Variants in PRKAG2 observed in about 807,000 individuals in gnomAD.
PRKAG2 encodes the protein 5'-AMP-activated protein kinase subunit gamma-2.
In PRKAG2, 26 loss-of-function variants were observed where a neutral mutation model predicts 69.6. That is an observed-to-expected ratio of 0.37 (90% CI 0.27 to 0.52). The LOEUF (loss-of-function observed/expected upper bound fraction) is 0.52. PRKAG2 is among the 20% of genes least tolerant of loss of function. The pLI, the probability that PRKAG2 is intolerant of heterozygous loss-of-function variation, is 0.90. For synonymous variants in PRKAG2, 293 were observed against 285.0 expected (o/e 1.03, Z -0.28); for missense variants, 557 against 740.0 (o/e 0.75, Z 2.87).
chr7:151,680,256 G>A (rs532974105), intron 3 of PRKAG2, among the ~76,000 whole-genome samples: 6 of 152,192 alleles, frequency 3.9e-5, no homozygotes, highest in Admixed American at 1.3e-4. Flanking sequence ...ACTAAGTGTC[G>A]GCTTATTCAT....
At chr7:151,623,607 G>A (rs1286808782) in intron 5 of PRKAG2, among the ~76,000 whole-genome samples, 4 of 152,088 alleles carry the variant, frequency 2.6e-5, no homozygotes, top group Non-Finnish European at 5.9e-5. Flanking sequence ...TGGATATCAT[G>A]CCCATGTTAT....
chr7:151,813,683 C>T lies in PRKAG2; in HGVS notation c.115-27142G>A, dbSNP rs2078541623. ...CCCCCTCCTCCTCTCCACCAGACAG[C>T]GGTGACAGCCCACGGTTCAGCCACT... is the stretch of plus-strand genomic sequence containing the variant. On this transcript the variant is annotated intron_variant, in intron 1 of 15. Coordinates refer to ENST00000287878, the MANE Select transcript of PRKAG2 (RefSeq NM_016203.4). Among the ~76,000 whole-genome samples, 6 of 152,264 alleles carry T rather than the reference C, an allele frequency of 3.9e-5. No individual in the cohort carries two copies. The South Asian group carries it at 8.3e-4, about 21-fold the overall frequency.
At chr7:151,585,867 G>GA (rs1811535918) in intron 6 of PRKAG2, among the ~76,000 whole-genome samples, 2 of 152,214 alleles carry the variant, frequency 1.3e-5, no homozygotes, top group Non-Finnish European at 2.9e-5. Flanking sequence ...AGGAAGGGAG[G>GA]AAGGAGACGG....
intron 3 of PRKAG2, among the ~76,000 whole-genome samples, chr7:151,702,649 A>G (rs919437699): frequency 2.6e-5 from 4 of 152,264 alleles, no homozygotes; most frequent in African/African-American, 9.6e-5. Flanking sequence ...GGATGGAGGC[A>G]TTCATAGTCC....
intron 8 of PRKAG2, among the ~76,000 whole-genome samples, chr7:151,573,220 C>A (rs1366075543): frequency 1.3e-5 from 2 of 149,872 alleles, no homozygotes; most frequent in Non-Finnish European, 3.0e-5. Flanking sequence ...TGCACAAGTG[C>A]GATCATGACT....
chr7:151,558,665 A>G (rs4726047), intron 15 of PRKAG2: 745,307 of 981,466 alleles, frequency 0.76, 283,697 homozygotes, highest in East Asian at 0.99. Context: ...TTTCCTCAAC[A>G]AATCGTGTTG....
intron 5 of PRKAG2, among the ~76,000 whole-genome samples, chr7:151,624,470 T>C (rs981970304): frequency 2.0e-5 from 3 of 151,964 alleles, no homozygotes; most frequent in African/African-American, 2.4e-5. Context: ...ATTAAACAGA[T>C]TAAAAAGTGA....
In PRKAG2 at chr7:151,557,887, A is replaced by C. The variant is rs530719121; in HGVS notation, c.1679-655T>G. The C allele has an allele frequency of 2.8e-3, 2,722 of 977,054 alleles. 2 individuals are homozygous for C. The highest frequency in any genetic ancestry group is 4.3e-3 in the African/African-American group (244 of 57,080). 60.5% of individuals were successfully genotyped at this position (977,054 alleles called of 1,614,324 possible). A position where few individuals can be genotyped will look rare whatever the true frequency, so the allele number is the denominator to read the frequency against. On this transcript the variant is annotated intron_variant, in intron 15 of 15. Coordinates refer to ENST00000287878, the MANE Select transcript of PRKAG2 (RefSeq NM_016203.4). ...AACTCCGTCTCAAATAAAAAAAAAA[A>C]AAACAAAAAAACAAAAAAAAAACCT...
chr7:151,672,022 C>CT (rs1237478124), intron 4 of PRKAG2, among the ~76,000 whole-genome samples: 7,575 of 141,158 alleles, frequency 0.054, 246 homozygotes, highest in Middle Eastern at 0.065. Flanking sequence ...ACCATTTGAA[C>CT]TTTTTTTTTT....
At chr7:151,808,103 C>G (rs1442675594) in intron 1 of PRKAG2, among the ~76,000 whole-genome samples, 1 of 152,150 alleles carries the variant, frequency 6.6e-6, no homozygotes, top group African/African-American at 2.4e-5. Flanking sequence ...CCACCCATCA[C>G]CTAGTGTCCT....
At chr7:151,687,008 T>C (rs1240138292) in intron 3 of PRKAG2, among the ~76,000 whole-genome samples, 2 of 152,238 alleles carry the variant, frequency 1.3e-5, no homozygotes, top group Non-Finnish European at 2.9e-5. Flanking sequence ...TCCAGTCTTA[T>C]AGGGCTTTGT....
chr7:151,709,630 G>C (rs1166205552), intron 3 of PRKAG2, among the ~76,000 whole-genome samples: 1 of 151,858 alleles, frequency 6.6e-6, no homozygotes, highest in African/African-American at 2.4e-5. Context: ...ACTGACACAT[G>C]TGACTGTCAG....
At chr7:151,657,995 T>C (rs537303255) in intron 4 of PRKAG2, among the ~76,000 whole-genome samples, 27 of 150,720 alleles carry the variant, frequency 1.8e-4, no homozygotes, top group Non-Finnish European at 3.2e-4. Flanking sequence ...CCATCTCTAC[T>C]AAAAATACAA....
intron 1 of PRKAG2, among the ~76,000 whole-genome samples, chr7:151,871,506 T>C (rs1248410806): frequency 6.6e-6 from 1 of 152,228 alleles, no homozygotes; most frequent in Non-Finnish European, 1.5e-5. Context: ...CCTGGAGCTG[T>C]GCCCATAAAG....
chr7:151,574,842 A>G (rs1469914174), intron 8 of PRKAG2, 49 bp downstream of exon 8: 9 of 1,612,688 alleles, frequency 5.6e-6, no homozygotes, highest in Admixed American at 1.7e-5. Context: ...ACACACATAC[A>G]TAGATACGTA....
chr7:151,705,345 T>C (rs1838400370), intron 3 of PRKAG2, among the ~76,000 whole-genome samples: 1 of 152,068 alleles, frequency 6.6e-6, no homozygotes, highest in African/African-American at 2.4e-5. Flanking sequence ...CTTTTCTCAA[T>C]CGGGTTGTAA....
intron 3 of PRKAG2, among the ~76,000 whole-genome samples, chr7:151,688,047 C>T (rs571451827): frequency 7.0e-6 from 1 of 143,086 alleles, no homozygotes; most frequent in Non-Finnish European, 1.6e-5. Context: ...ATGAGGCCCC[C>T]CCCCGGGCTC....
intron 3 of PRKAG2, among the ~76,000 whole-genome samples, chr7:151,744,661 C>T (rs2074152806): frequency 6.6e-6 from 1 of 152,196 alleles, no homozygotes; most frequent in African/African-American, 2.4e-5. Flanking sequence ...CACTGGGGAC[C>T]CATATGAGAG....
At chr7:151,750,884 A>C (rs2074623780) in intron 3 of PRKAG2, among the ~76,000 whole-genome samples, 1 of 152,040 alleles carries the variant, frequency 6.6e-6, no homozygotes, top group Non-Finnish European at 1.5e-5. Flanking sequence ...GTCTCCAAAA[A>C]AAAAAAAAAT....
Sources: allele counts gnomAD v4.1 joint callset (sites outside exome capture counted in the v4.1 genomes callset), GRCh38; gene constraint gnomAD v4.1.1; transcripts MANE v1.5; gene names NCBI Gene and HGNC (gene_info 2026-07-23, HGNC 2026-07-21).